The following SMOC1 variants were observed in gnomAD, a reference collection of about 807,000 sequenced individuals.
SMOC1 encodes the protein SPARC related modular calcium binding 1.
SMOC1 carries 22 observed loss-of-function variants against 56.3 expected under a neutral mutation model. The ratio of observed to expected loss-of-function variants is 0.39; its 90% CI spans 0.28 to 0.56. SMOC1 has a LOEUF of 0.56. SMOC1 is among the 20% of genes least tolerant of loss of function. The pLI is 0.61. For missense variants in SMOC1, 509 were observed against 565.4 expected, an observed-to-expected ratio of 0.90 and a Z score of 1.01; for synonymous variants, 193 against 215.0, an observed-to-expected ratio of 0.90 and a Z score of 0.89.
rs977938365 is a variant in SMOC1 at position 69,879,743 on chromosome 14, C to G, written c.65C>G (p.Ser22Cys). Residue 22 changes from serine (S) to cysteine (C), a missense_variant, in exon 1 of 12, where the codon TCC becomes TGC. Coordinates refer to ENST00000361956, the MANE Select transcript of SMOC1 (RefSeq NM_001034852.3). ...PHLLLVLVQLSPARGHRTTGP... is the reference protein window; with the variant it reads ...PHLLLVLVQLCPARGHRTTGP... The stretch of plus-strand genomic sequence containing the variant: ...TTGCTGCTGGTGTTGGTGCAGCTGT[C>G]CCCTGCTCGCGGCCACCGCACCACA... The G allele has an allele frequency of 6.3e-7, 1 of 1,592,952 alleles. No homozygotes were observed. The highest frequency in any genetic ancestry group is 8.5e-7 in the Non-Finnish European group (1 of 1,176,476).
chr14:69,957,419 C>G (rs2139453259), intron 3 of SMOC1, among the ~76,000 whole-genome samples: 1 of 152,154 alleles, frequency 6.6e-6, no homozygotes, highest in East Asian at 1.9e-4. Flanking sequence ...GACTTGAGGT[C>G]CCTAAGCTTA....
At chr14:70,028,245 G>A (rs1258155037) in intron 11 of SMOC1, among the ~76,000 whole-genome samples, 2 of 152,154 alleles carry the variant, frequency 1.3e-5, no homozygotes, top group African/African-American at 4.8e-5. Context: ...TGTCCTGTGA[G>A]GCAGGCGGGG....
At chr14:70,020,850 CAGA>C (rs1184253802) in intron 10 of SMOC1, among the ~76,000 whole-genome samples, 3 of 152,164 alleles carry the variant, frequency 2.0e-5, no homozygotes, top group Non-Finnish European at 1.5e-5. Flanking sequence ...GTTGTAAAGT[CAGA>C]AGAAGAACTG....
intron 5 of SMOC1, among the ~76,000 whole-genome samples, chr14:69,992,191 C>A (rs1301306244): frequency 6.6e-6 from 1 of 152,166 alleles, no homozygotes; most frequent in Non-Finnish European, 1.5e-5. Context: ...TTCGTCCATG[C>A]CTTGGGATGG....
Position 70,025,483 on chromosome 14 carries a change from A to G in SMOC1, c.1291+2036A>G, listed in dbSNP as rs796691577. On this transcript the variant is annotated intron_variant, in intron 11 of 11. Transcript: ENST00000361956. ...CTCTGGGCATGCCTGTCTGACGCGG[A>G]TGCTTCTCTGTTCCCATAGTACTCT... 3.3e-5 allele frequency among the ~76,000 whole-genome samples: 5 copies of G among 152,120 alleles called. 1 individual carries two copies. Among genetic ancestry groups the G allele is most frequent in the African/African-American group, 9.6e-5 (4 of 41,508 alleles).
At chr14:69,963,306 A>G (rs1401889311) in intron 3 of SMOC1, among the ~76,000 whole-genome samples, 1 of 152,082 alleles carries the variant, frequency 6.6e-6, no homozygotes, top group East Asian at 1.9e-4. Context: ...TACCCTTGGC[A>G]TGATATTTGT....
intron 1 of SMOC1, among the ~76,000 whole-genome samples, chr14:69,949,274 G>C (rs529572941): frequency 6.6e-6 from 1 of 152,272 alleles, no homozygotes; most frequent in Admixed American, 6.5e-5. Flanking sequence ...AGCGATCCCT[G>C]GGGGTGGCAG....
intron 1 of SMOC1, among the ~76,000 whole-genome samples, chr14:69,944,622 G>A (rs1429670849): frequency 6.6e-6 from 1 of 152,168 alleles, no homozygotes; most frequent in Non-Finnish European, 1.5e-5. Context: ...TCAAGTGCAT[G>A]CGTATGGTAG....
intron 1 of SMOC1, 45 bp downstream of exon 1, chr14:69,879,822 G>A: frequency 1.3e-6 from 2 of 1,492,906 alleles, no homozygotes; most frequent in Non-Finnish European, 1.8e-6. Context: ...AGGGAGGGGA[G>A]GTTGCTTCCC....
At chr14:69,931,240 C>G (rs888297773) in intron 1 of SMOC1, among the ~76,000 whole-genome samples, 1 of 152,240 alleles carries the variant, frequency 6.6e-6, no homozygotes, top group Non-Finnish European at 1.5e-5. Context: ...TCAGGGTGCT[C>G]TCCTCTGCCT....
intron 4 of SMOC1, among the ~76,000 whole-genome samples, chr14:69,976,494 A>G (rs920714800): frequency 6.6e-6 from 1 of 152,232 alleles, no homozygotes; most frequent in African/African-American, 2.4e-5. Flanking sequence ...CTATTGCTTT[A>G]TAGTGATCCA....
At chr14:69,992,350 G>A in intron 5 of SMOC1, 67 bp from the exon 6 acceptor site, 1 of 1,496,980 alleles carries the variant, frequency 6.7e-7, no homozygotes, top group Admixed American at 1.7e-5. Context: ...CAACAGTGCT[G>A]GAGAGTAGAT....
chr14:70,008,779 C>G (rs147487939), intron 7 of SMOC1, among the ~76,000 whole-genome samples: 2 of 152,292 alleles, frequency 1.3e-5, no homozygotes, highest in East Asian at 1.9e-4. Flanking sequence ...AGCTGTTTTC[C>G]TTTGGTTTTG....
chr14:70,026,675 A>G (rs1885937821), intron 11 of SMOC1, among the ~76,000 whole-genome samples: 1 of 152,024 alleles, frequency 6.6e-6, no homozygotes, highest in African/African-American at 2.4e-5. Context: ...TGAACCTCTC[A>G]CCTCAAAGGT....
intron 9 of SMOC1, among the ~76,000 whole-genome samples, chr14:70,012,609 A>T (rs1885380270): frequency 6.6e-6 from 1 of 152,192 alleles, no homozygotes; most frequent in Middle Eastern, 3.2e-3. Context: ...GCTAATTTCT[A>T]TGTGGAGTTG....
chr14:69,895,761 C>A (rs900058226), intron 1 of SMOC1, among the ~76,000 whole-genome samples: 19 of 152,096 alleles, frequency 1.2e-4, no homozygotes, highest in Non-Finnish European at 8.8e-5. Context: ...TACTTTCTTT[C>A]CCCCCATCAA....
chr14:69,907,368 A>G (rs1299882805), intron 1 of SMOC1, among the ~76,000 whole-genome samples: 1 of 152,212 alleles, frequency 6.6e-6, no homozygotes, highest in Non-Finnish European at 1.5e-5. Flanking sequence ...TTTCTGTAAC[A>G]TGCTTACTGA....
At chr14:69,994,339 C>T (rs948827909) in intron 6 of SMOC1, 61 bp from the exon 7 acceptor site, 16 of 1,307,730 alleles carry the variant, frequency 1.2e-5, no homozygotes, top group Admixed American at 5.0e-5. Context: ...TCTGAGGTTA[C>T]ACTTCCACTC....
intron 1 of SMOC1, among the ~76,000 whole-genome samples, chr14:69,906,989 C>T (rs1402443926): frequency 1.3e-5 from 2 of 152,072 alleles, no homozygotes; most frequent in African/African-American, 4.8e-5. Flanking sequence ...GTTGGAGATG[C>T]AGCAGGAAAA....
Sources: gnomAD v4.1 joint callset for allele counts (sites outside exome capture counted in the v4.1 genomes callset) on GRCh38, gnomAD v4.1.1 for gene constraint, MANE v1.5 for transcripts, NCBI Gene and HGNC (gene_info 2026-07-23, HGNC 2026-07-21) for gene names.